Variants in NTN4 observed in about 807,000 individuals in gnomAD.
NTN4 encodes the protein netrin-4.
A neutral mutation model predicts 73.6 loss-of-function variants in NTN4; 32 were observed. The observed-to-expected ratio is 0.44, with a 90% CI of 0.33 to 0.58. The LOEUF is 0.58. Among genes scored for constraint, NTN4 ranks in the 20% least tolerant of loss-of-function variants. The pLI, the probability that NTN4 is intolerant of heterozygous loss-of-function variation, is 0.04. For missense variants in NTN4, 654 were observed against 798.3 expected (o/e 0.82, Z 2.18); for synonymous variants, 258 against 287.5 (o/e 0.90, Z 1.04).
intron 2 of NTN4, among the ~76,000 whole-genome samples, chr12:95,741,433 A>ATT (rs2121187868): frequency 2.6e-5 from 1 of 38,968 alleles, no homozygotes; most frequent in South Asian, 8.5e-4. Context: ...TAAATTATAT[A>ATT]TATATATATA....
chr12:95,740,157 C>G (rs2078813208), intron 2 of NTN4, among the ~76,000 whole-genome samples: 1 of 152,090 alleles, frequency 6.6e-6, no homozygotes, highest in Non-Finnish European at 1.5e-5. Context: ...ATCTTTTTTC[C>G]AGAAAGGAGA....
chr12:95,713,369 C>T (rs1385179218), intron 3 of NTN4, 31 bp from the exon 4 acceptor site: 1 of 1,538,476 alleles, frequency 6.5e-7, no homozygotes, highest in Admixed American at 1.8e-5. Context: ...GAACTATGAG[C>T]ACACATGTCG....
Position 95,658,056 on chromosome 12 carries a change from TAAA to T in NTN4, c.*1027_*1029del, listed in dbSNP as rs1257748101. 1 of 152,534 alleles carries T rather than the reference TAAA, an allele frequency of 6.6e-6. No individual in the cohort carries two copies. The highest frequency in any genetic ancestry group is 2.4e-5 in the African/African-American group (1 of 41,444). The allele number at this position is 152,534 out of a possible 1,614,324, so 9.4% of individuals were successfully genotyped here. ...TTTTTGACTATCACATACATTGTGT[TAAA>T]AAACAGGTAAATATAATGACTATTA... On this transcript the variant is annotated 3_prime_UTR_variant, in exon 10 of 10. Coordinates refer to ENST00000343702, the MANE Select transcript of NTN4 (RefSeq NM_021229.4).
chr12:95,771,138 T>A (rs368357724), intron 2 of NTN4, among the ~76,000 whole-genome samples: 61 of 152,052 alleles, frequency 4.0e-4, no homozygotes, highest in Non-Finnish European at 6.6e-4. Flanking sequence ...TACAGGCGCC[T>A]GCTACCACGC....
chr12:95,761,499 T>A (rs1407368169), intron 2 of NTN4, among the ~76,000 whole-genome samples: 3 of 151,698 alleles, frequency 2.0e-5, no homozygotes, highest in Admixed American at 1.3e-4. Context: ...CCCAGCTAAT[T>A]TTTTTGTATT....
chr12:95,735,848 T>A (rs1019799873), intron 3 of NTN4, among the ~76,000 whole-genome samples: 4 of 152,014 alleles, frequency 2.6e-5, no homozygotes, highest in South Asian at 4.1e-4. Context: ...TTTAGAGGAC[T>A]TACTTTAAAA....
At chr12:95,751,008 A>T (rs1050011261) in intron 2 of NTN4, among the ~76,000 whole-genome samples, 2 of 152,130 alleles carry the variant, frequency 1.3e-5, no homozygotes, top group Non-Finnish European at 2.9e-5. Flanking sequence ...GCTCTTTTTC[A>T]TCAAATATAA....
intron 2 of NTN4, among the ~76,000 whole-genome samples, chr12:95,746,990 T>C (rs1455977714): frequency 6.6e-6 from 1 of 152,206 alleles, no homozygotes; most frequent in East Asian, 1.9e-4. Context: ...AGAAGTGACA[T>C]GTAAAAACCC....
chr12:95,684,653 C>T (rs1013991661), intron 5 of NTN4, among the ~76,000 whole-genome samples: 2 of 152,046 alleles, frequency 1.3e-5, no homozygotes, highest in African/African-American at 4.8e-5. Flanking sequence ...AGCCCTCTCC[C>T]TACTCCTGGA....
chr12:95,754,571 C>T (rs986969990), intron 2 of NTN4, among the ~76,000 whole-genome samples: 5 of 151,370 alleles, frequency 3.3e-5, no homozygotes, highest in Non-Finnish European at 5.9e-5. Context: ...GGCCCTGCCC[C>T]GCCTTAACTG....
chr12:95,708,007 A>C (rs2078533173), intron 5 of NTN4, among the ~76,000 whole-genome samples: 1 of 152,220 alleles, frequency 6.6e-6, no homozygotes, highest in African/African-American at 2.4e-5. Context: ...TATTCTGTAC[A>C]AAATGGTGTC....
At chr12:95,688,669 A>C (rs2078380023) in intron 5 of NTN4, among the ~76,000 whole-genome samples, 1 of 151,954 alleles carries the variant, frequency 6.6e-6, no homozygotes, top group Non-Finnish European at 1.5e-5. Context: ...CGGTGTGTAG[A>C]GTGAGAAGAT....
intron 3 of NTN4, among the ~76,000 whole-genome samples, chr12:95,719,869 C>G (rs1306824251): frequency 6.6e-6 from 1 of 152,124 alleles, no homozygotes; most frequent in Non-Finnish European, 1.5e-5. Flanking sequence ...GTTTCAAACT[C>G]TTGCCCAATA....
intron 2 of NTN4, among the ~76,000 whole-genome samples, chr12:95,785,413 T>C (rs1392186093): frequency 6.6e-6 from 1 of 152,238 alleles, no homozygotes; most frequent in Non-Finnish European, 1.5e-5. Flanking sequence ...TCTTTAAAAA[T>C]GTCCATCATG....
chr12:95,690,520 A>G (rs1328215439), intron 5 of NTN4, among the ~76,000 whole-genome samples: 1 of 152,028 alleles, frequency 6.6e-6, no homozygotes, highest in East Asian at 1.9e-4. Flanking sequence ...TTTTTTCTTC[A>G]CTTGGTTTTT....
chr12:95,745,341 T>C (rs1347501030), intron 2 of NTN4, among the ~76,000 whole-genome samples: 1 of 152,210 alleles, frequency 6.6e-6, no homozygotes, highest in African/African-American at 2.4e-5. Flanking sequence ...TATTTCTTTT[T>C]CTGGCTTTTT....
intron 3 of NTN4, among the ~76,000 whole-genome samples, chr12:95,735,647 T>C (rs770925066): frequency 2.7e-4 from 41 of 152,316 alleles, no homozygotes; most frequent in Non-Finnish European, 5.9e-4. Flanking sequence ...TTGGTTATCC[T>C]GAACCTCTTT....
intron 5 of NTN4, among the ~76,000 whole-genome samples, chr12:95,709,535 TCTCTC>T (rs1052037230): frequency 7.2e-5 from 10 of 139,044 alleles, no homozygotes; most frequent in African/African-American, 2.4e-4. Flanking sequence ...TCTCTCTCTC[TCTCTC>T]TTTTTTTTTT....
At chr12:95,723,891 C>T (rs1258254228) in intron 3 of NTN4, among the ~76,000 whole-genome samples, 1 of 152,190 alleles carries the variant, frequency 6.6e-6, no homozygotes, top group African/African-American at 2.4e-5. Flanking sequence ...TCTTACTGGC[C>T]TGTCATTCAT....
Sources: gnomAD v4.1 joint callset for allele counts (sites outside exome capture counted in the v4.1 genomes callset) on GRCh38, gnomAD v4.1.1 for gene constraint, MANE v1.5 for transcripts, NCBI Gene and HGNC (gene_info 2026-07-23, HGNC 2026-07-21) for gene names.